TMEM132D: variants seen among roughly 807,000 people sequenced by gnomAD.
TMEM132D encodes transmembrane protein 132D.
A neutral mutation model predicts 62.3 loss-of-function variants in TMEM132D; 21 were observed. The ratio of observed to expected loss-of-function variants is 0.34; its 90% CI spans 0.24 to 0.49. The LOEUF (loss-of-function observed/expected upper bound fraction) is 0.49. Ranked by LOEUF, TMEM132D falls within the 20% of genes least tolerant of loss-of-function variation. The pLI is 0.99. For missense variants in TMEM132D, 1,346 were observed against 1,402.8 expected (o/e 0.96, Z 0.65); for synonymous variants, 621 against 575.6 (o/e 1.08, Z -1.13).
At chr12:129,706,014 T>C (rs1019312650) in intron 1 of TMEM132D, among the ~76,000 whole-genome samples, 1 of 152,138 alleles carries the variant, frequency 6.6e-6, no homozygotes, top group Admixed American at 6.5e-5. Flanking sequence ...TTGGTTTCTA[T>C]GCTTATAGAT....
At chr12:129,306,657 G>A (rs1292489662) in intron 4 of TMEM132D, among the ~76,000 whole-genome samples, 2 of 152,194 alleles carry the variant, frequency 1.3e-5, no homozygotes, top group African/African-American at 2.4e-5. Context: ...ATGGTTCTGA[G>A]TGGTCCTACA....
At chr12:129,767,548 T>C (rs143207529) in intron 1 of TMEM132D, among the ~76,000 whole-genome samples, 195 of 152,354 alleles carry the variant, frequency 1.3e-3, no homozygotes, top group Non-Finnish European at 2.0e-3. Context: ...TCCATCTCCA[T>C]GCATTTGATC....
intron 4 of TMEM132D, among the ~76,000 whole-genome samples, chr12:129,280,509 A>G (rs1461714447): frequency 6.6e-6 from 1 of 152,206 alleles, no homozygotes; most frequent in African/African-American, 2.4e-5. Flanking sequence ...GTTTCCTTAT[A>G]CAACAGACTT....
intron 4 of TMEM132D, among the ~76,000 whole-genome samples, chr12:129,333,136 G>A (rs1869163918): frequency 6.6e-6 from 1 of 152,202 alleles, no homozygotes; most frequent in African/African-American, 2.4e-5. Context: ...TGTCATCTAA[G>A]AAGGGCAAAT....
At chr12:129,591,586 C>T (rs985031985) in intron 2 of TMEM132D, among the ~76,000 whole-genome samples, 8 of 150,742 alleles carry the variant, frequency 5.3e-5, no homozygotes, top group Admixed American at 4.0e-4. Context: ...CCACATCATA[C>T]ATTCACTCAA....
intron 4 of TMEM132D, among the ~76,000 whole-genome samples, chr12:129,287,891 A>G (rs1250826271): frequency 6.6e-6 from 1 of 152,098 alleles, no homozygotes; most frequent in African/African-American, 2.4e-5. Context: ...CTTTGTTCTG[A>G]TGCATTGGTC....
chr12:129,499,576 G>T (rs570789623), intron 3 of TMEM132D, among the ~76,000 whole-genome samples: 2 of 152,316 alleles, frequency 1.3e-5, no homozygotes, highest in East Asian at 3.9e-4. Flanking sequence ...TGCACAGATG[G>T]AGTGGAGTCC....
chr12:129,393,132 C>T (rs1159316194), intron 3 of TMEM132D, among the ~76,000 whole-genome samples: 2 of 152,228 alleles, frequency 1.3e-5, no homozygotes, highest in Non-Finnish European at 2.9e-5. Flanking sequence ...GCTCAAACCA[C>T]ACTCTGTAGG....
At chr12:129,661,118 G>T (rs1027939491) in intron 2 of TMEM132D, among the ~76,000 whole-genome samples, 1 of 152,232 alleles carries the variant, frequency 6.6e-6, no homozygotes, top group Non-Finnish European at 1.5e-5. Flanking sequence ...CTGCAGCTGT[G>T]CTGGGCTAAC....
chr12:129,188,566 G>A (rs1379311537), intron 5 of TMEM132D, among the ~76,000 whole-genome samples: 1 of 152,172 alleles, frequency 6.6e-6, no homozygotes, highest in East Asian at 1.9e-4. Context: ...TAGCCCTGTG[G>A]TTTCCAACTA....
At chr12:129,862,708 T>A (rs911014104) in intron 1 of TMEM132D, among the ~76,000 whole-genome samples, 1 of 152,142 alleles carries the variant, frequency 6.6e-6, no homozygotes, top group African/African-American at 2.4e-5. Context: ...GACACAAGTA[T>A]AAGTAGAGAA....
At chr12:129,333,996 C>T (rs1869196784) in intron 4 of TMEM132D, among the ~76,000 whole-genome samples, 1 of 152,130 alleles carries the variant, frequency 6.6e-6, no homozygotes, top group South Asian at 2.1e-4. Context: ...TGGCAGGTGC[C>T]TGTAGTCCCA....
intron 1 of TMEM132D, among the ~76,000 whole-genome samples, chr12:129,812,085 A>G (rs557247786): frequency 6.6e-6 from 1 of 151,932 alleles, no homozygotes; most frequent in East Asian, 1.9e-4. Flanking sequence ...GATTTGTTAC[A>G]CAACAATAGA....
intron 3 of TMEM132D, among the ~76,000 whole-genome samples, chr12:129,387,653 C>T (rs936061384): frequency 3.3e-5 from 5 of 152,080 alleles, no homozygotes; most frequent in African/African-American, 1.2e-4. Context: ...ATGCTAATGC[C>T]ATGTGCCAAC....
chr12:129,349,286 G>A (rs1869790649), intron 3 of TMEM132D, among the ~76,000 whole-genome samples: 1 of 152,236 alleles, frequency 6.6e-6, no homozygotes, highest in South Asian at 2.1e-4. Context: ...TGAACCCACA[G>A]GCACCCTAGG....
intron 2 of TMEM132D, among the ~76,000 whole-genome samples, chr12:129,631,769 C>T (rs1365971160): frequency 6.6e-6 from 1 of 152,142 alleles, no homozygotes. Context: ...ACTGCTAATA[C>T]CTTTTTGATT....
At chr12:129,164,518 A>G (rs1197525164) in intron 5 of TMEM132D, among the ~76,000 whole-genome samples, 3 of 152,240 alleles carry the variant, frequency 2.0e-5, no homozygotes, top group Non-Finnish European at 4.4e-5. Flanking sequence ...ATACTGCTAT[A>G]AAGAACTGCC....
intron 5 of TMEM132D, among the ~76,000 whole-genome samples, chr12:129,195,222 G>T (rs918009044): frequency 2.6e-5 from 4 of 152,138 alleles, no homozygotes; most frequent in African/African-American, 9.7e-5. Flanking sequence ...CAGTAGGCGG[G>T]AGAAAGGCAG....
At chr12:129,627,217 A>G (rs760319670) in intron 2 of TMEM132D, among the ~76,000 whole-genome samples, 41 of 152,212 alleles carry the variant, frequency 2.7e-4, no homozygotes, top group Non-Finnish European at 4.1e-4. Flanking sequence ...TCAGCTAACC[A>G]CAGACCGCCT....
Sources: allele counts gnomAD v4.1 joint callset (sites outside exome capture counted in the v4.1 genomes callset), GRCh38; gene constraint gnomAD v4.1.1; transcripts MANE v1.5; gene names NCBI Gene and HGNC (gene_info 2026-07-23, HGNC 2026-07-21).